FAM135B: variants seen among roughly 807,000 people sequenced by gnomAD.
FAM135B encodes family with sequence similarity 135 member B.
In FAM135B, 43 loss-of-function variants were observed where a neutral mutation model predicts 127.7. That is an observed-to-expected ratio of 0.34 (90% CI 0.26 to 0.43). FAM135B has a LOEUF of 0.43. Ranked by LOEUF, FAM135B falls within the 20% of genes least tolerant of loss-of-function variation. The probability of loss-of-function intolerance (pLI) is 1.00; values close to 1 mark genes in which losing one functional copy is unlikely to be tolerated. For missense variants in FAM135B, 1,558 were observed against 1,725.6 expected (o/e 0.90, Z 1.72); for synonymous variants, 670 against 665.1 (o/e 1.01, Z -0.11).
chr8:138,319,098 TG>T (rs1193320223), intron 2 of FAM135B, among the ~76,000 whole-genome samples: 23 of 140,058 alleles, frequency 1.6e-4, no homozygotes, highest in East Asian at 6.4e-4. Flanking sequence ...TTTTTTTTTT[TG>T]TTGTTGTTGT....
chr8:138,170,678 T>G (rs1391844497), intron 11 of FAM135B, among the ~76,000 whole-genome samples: 1 of 152,186 alleles, frequency 6.6e-6, no homozygotes, highest in Non-Finnish European at 1.5e-5. Flanking sequence ...TCTTAAACAC[T>G]GCATGGATTA....
chr8:138,451,555 T>C (rs538935545), intron 1 of FAM135B, among the ~76,000 whole-genome samples: 2 of 152,334 alleles, frequency 1.3e-5, no homozygotes, highest in African/African-American at 2.4e-5. Context: ...GAATTTCCTA[T>C]GAACAAGCTT....
At chr8:138,253,680 C>T (rs1821870795) in intron 5 of FAM135B, among the ~76,000 whole-genome samples, 1 of 152,182 alleles carries the variant, frequency 6.6e-6, no homozygotes, top group Admixed American at 6.5e-5. Context: ...GGCCACATGT[C>T]TCCAGGGGTC....
At chr8:138,154,869 G>C (rs7831395) in intron 12 of FAM135B, among the ~76,000 whole-genome samples, 105,546 of 152,070 alleles carry the variant, frequency 0.69, 36,670 homozygotes, top group East Asian at 0.77. Flanking sequence ...GGAAAACACT[G>C]TTCAGGATAT....
intron 7 of FAM135B, among the ~76,000 whole-genome samples, chr8:138,234,454 T>C (rs921650002): frequency 6.6e-6 from 1 of 152,158 alleles, no homozygotes; most frequent in African/African-American, 2.4e-5. Flanking sequence ...AGCTAAGATA[T>C]GGAAACAAGT....
chr8:138,370,737 A>T (rs1831062229), intron 1 of FAM135B, among the ~76,000 whole-genome samples: 1 of 152,178 alleles, frequency 6.6e-6, no homozygotes, highest in Non-Finnish European at 1.5e-5. Flanking sequence ...GGCATGAACC[A>T]CCATGCTCTG....
chr8:138,182,253 A>G (rs1330686809), intron 9 of FAM135B, among the ~76,000 whole-genome samples: 3 of 152,278 alleles, frequency 2.0e-5, no homozygotes, highest in Non-Finnish European at 4.4e-5. Flanking sequence ...AGAAGCTTCT[A>G]ATTAAGCCAC....
intron 1 of FAM135B, among the ~76,000 whole-genome samples, chr8:138,424,618 T>G (rs1023998503): frequency 2.6e-5 from 4 of 152,196 alleles, no homozygotes; most frequent in Admixed American, 6.5e-5. Context: ...CACTAGAAAA[T>G]TATGGCTCTG....
intron 2 of FAM135B, among the ~76,000 whole-genome samples, chr8:138,337,260 C>T (rs888838543): frequency 2.7e-5 from 4 of 150,622 alleles, no homozygotes; most frequent in Non-Finnish European, 4.4e-5. Flanking sequence ...CTGGCCAGGG[C>T]AATTAGGCAG....
intron 1 of FAM135B, among the ~76,000 whole-genome samples, chr8:138,490,909 G>A (rs924896863): frequency 2.0e-5 from 3 of 152,110 alleles, no homozygotes; most frequent in Non-Finnish European, 2.9e-5. Flanking sequence ...TTGGGGGGCC[G>A]AGGCGGGTGG....
intron 2 of FAM135B, among the ~76,000 whole-genome samples, chr8:138,312,614 A>G (rs1041923159): frequency 6.6e-6 from 1 of 152,214 alleles, no homozygotes; most frequent in Non-Finnish European, 1.5e-5. Context: ...GAAAACTTTT[A>G]GGCAACAGCT....
chr8:138,277,547 T>C (rs866837552), intron 3 of FAM135B, among the ~76,000 whole-genome samples: 7 of 152,206 alleles, frequency 4.6e-5, no homozygotes, highest in Admixed American at 3.3e-4. Context: ...AGTTCTGGAA[T>C]GTTTCTTTAT....
Position 138,216,260 on chromosome 8 carries a change from C to T in FAM135B, c.670-18591G>A, listed in dbSNP as rs371081374. ...AGACACTACCAATAAGACTTAGAAC[C>T]GTTGGAGGATAGCTAGATAGAAGAG... On this transcript the variant is annotated intron_variant, in intron 7 of 19. Coordinates refer to ENST00000395297, the MANE Select transcript of FAM135B (RefSeq NM_015912.4). 1.3e-4 allele frequency among the ~76,000 whole-genome samples: 20 copies of T among 152,224 alleles called. No homozygotes were observed. In the East Asian group the frequency reaches 2.7e-3, roughly 21 times the overall value.
At chr8:138,494,809 A>G (rs1815328329) in intron 1 of FAM135B, among the ~76,000 whole-genome samples, 1 of 149,846 alleles carries the variant, frequency 6.7e-6, no homozygotes, top group East Asian at 2.0e-4. Context: ...ATGAGTCCCT[A>G]CTCTGTCTAA....
At chr8:138,352,801 G>A (rs1243219426) in intron 2 of FAM135B, among the ~76,000 whole-genome samples, 1 of 151,832 alleles carries the variant, frequency 6.6e-6, no homozygotes, top group Non-Finnish European at 1.5e-5. Context: ...ATTCAGGGAA[G>A]AGAGAAATCA....
chr8:138,407,820 G>A (rs1440033643), intron 1 of FAM135B, among the ~76,000 whole-genome samples: 1 of 152,116 alleles, frequency 6.6e-6, no homozygotes, highest in African/African-American at 2.4e-5. Context: ...AGAAAACCTA[G>A]GCACTACCAT....
intron 1 of FAM135B, among the ~76,000 whole-genome samples, chr8:138,471,899 G>A (rs1413105202): frequency 6.6e-6 from 1 of 151,890 alleles, no homozygotes; most frequent in African/African-American, 2.4e-5. Context: ...ATGAAATCAA[G>A]GAAAAAAATA....
intron 1 of FAM135B, among the ~76,000 whole-genome samples, chr8:138,386,863 A>G (rs1409095761): frequency 6.6e-6 from 1 of 152,206 alleles, no homozygotes; most frequent in Admixed American, 6.5e-5. Flanking sequence ...GGAGACAGGC[A>G]TGAATGAGAC....
chr8:138,480,110 G>A (rs1384237482), intron 1 of FAM135B, among the ~76,000 whole-genome samples: 1 of 152,170 alleles, frequency 6.6e-6, no homozygotes, highest in African/African-American at 2.4e-5. Context: ...CATTGGATCT[G>A]GATGTCCATG....
Sources: gnomAD v4.1 joint callset for allele counts (sites outside exome capture counted in the v4.1 genomes callset) on GRCh38, gnomAD v4.1.1 for gene constraint, MANE v1.5 for transcripts, NCBI Gene and HGNC (gene_info 2026-07-23, HGNC 2026-07-21) for gene names.